The following CAMK1 variants were observed in gnomAD, a reference collection of about 807,000 sequenced individuals.
CAMK1 encodes the protein calcium/calmodulin-dependent protein kinase type 1.
In CAMK1, 39 loss-of-function variants were observed where a neutral mutation model predicts 49.1. The observed-to-expected ratio is 0.79, with a 90% CI of 0.62 to 1.04. The LOEUF is 1.04. Among genes scored for constraint, CAMK1 ranks in the 50% least tolerant of loss-of-function variants. The pLI, the probability that CAMK1 is intolerant of heterozygous loss-of-function variation, is 0.00. For missense variants in CAMK1, 457 were observed against 472.2 expected, an observed-to-expected ratio of 0.97 and a Z score of 0.30; for synonymous variants, 192 against 185.2, an observed-to-expected ratio of 1.04 and a Z score of -0.30.
rs2078130644 is a variant in CAMK1 at position 9,765,891 on chromosome 3, CT to C, written c.84-2del. 8 of 1,614,162 alleles carry C rather than the reference CT, an allele frequency of 5.0e-6. No homozygotes were observed. Among genetic ancestry groups the C allele is most frequent in the Non-Finnish European group, 5.9e-6 (7 of 1,180,012 alleles). On this transcript the variant is annotated splice_acceptor_variant, in intron 2 of 11. Transcript: ENST00000256460. LOFTEE classifies it high-confidence loss of function. ...CAGGATCACCTCCGAGAAGGCCCCC[CT>C]ATCGGGAGAGGGGATTCACAAGGTG...
rs758189766 is a variant in CAMK1, at chr3:9,757,779, C to T, written c.980G>A (p.Gly327Glu). The T allele has an allele frequency of 6.2e-7, 1 of 1,614,104 alleles. No individual in the cohort carries two copies. Among genetic ancestry groups the T allele is most frequent in the Non-Finnish European group, 8.5e-7 (1 of 1,179,984 alleles). The change falls in exon 11 of 12, where the codon GGG (glycine) becomes GAG (glutamate). Residue 327 changes from glycine to glutamate, a missense_variant. Gly to Glu is a moderately conservative substitution (Grantham distance 98, BLOSUM62 -2). Coordinates refer to ENST00000256460, the MANE Select transcript of CAMK1 (RefSeq NM_003656.5). The surrounding 1 kb of genome is among the most constrained non-coding windows in gnomAD (Gnocchi z 4.5). ...CCCATGGCTCGCCGTCTGCCCCTGC[C>T]CCTCCTGGCTGGTGCCCAGCTGCAG... ...RKLQLGTSQE[G>E]QGQTASHGEL...
chr3:9,759,832 G>A (rs1238282762), intron 8 of CAMK1, 82 bp from the exon 9 acceptor site: 6 of 1,610,498 alleles, frequency 3.7e-6, no homozygotes, highest in Non-Finnish European at 5.1e-6. Context: ...ACTCCCTCAG[G>A]TCTGGCCTGG....
In CAMK1 at chr3:9,763,210, G is replaced by T. The variant is rs751099623; in HGVS notation, c.219C>A (p.Ile73=). The T allele has an allele frequency of 1.2e-6, 2 of 1,613,810 alleles. No homozygotes were observed. The highest frequency in any genetic ancestry group is 2.2e-5 in the South Asian group (2 of 91,064). ...MENEIAVLHK[I]KHPNIVALDD... The stretch of plus-strand genomic sequence containing the variant: ...CCAGGGCTACAATGTTGGGGTGCTT[G>T]ATCCTGAAAGGAGAAATGAGGTGGT... The change falls in exon 4 of 12, where the codon ATC becomes ATA. Residue 73 remains isoleucine, a synonymous_variant. Coordinates refer to ENST00000256460, the MANE Select transcript of CAMK1 (RefSeq NM_003656.5).
intron 8 of CAMK1, chr3:9,760,114 G>C: frequency 4.6e-6 from 1 of 219,178 alleles, no homozygotes; most frequent in Non-Finnish European, 9.3e-6. Flanking sequence ...CATGGTGGTG[G>C]GCGCCTGTAA....
chr3:9,758,029 CA>C, intron 10 of CAMK1, 183 bp from the exon 11 acceptor site: 1 of 852,552 alleles, frequency 1.2e-6, no homozygotes, highest in South Asian at 1.9e-5. Flanking sequence ...TACACACACA[CA>C]CGCACATATG....
At position 9,762,935 on chromosome 3, in the gene CAMK1, G is replaced by A; in HGVS notation, c.408C>T (p.Gly136=). The change falls in exon 5 of 12, where the codon GGC becomes GGT. Residue 136 remains glycine (G), a synonymous_variant. Coordinates refer to ENST00000256460, the MANE Select transcript of CAMK1 (RefSeq NM_003656.5). ...LDAVKYLHDL[G]IVHRDLKPEN... The stretch of plus-strand genomic sequence containing the variant: ...CCACCTTGAGATCCCGGTGTACAAT[G>A]CCCAGGTCATGCAGGTATTTCACAG... The A allele has an allele frequency of 6.2e-7, 1 of 1,614,118 alleles. No homozygotes were observed. Among genetic ancestry groups the A allele is most frequent in the Non-Finnish European group, 8.5e-7 (1 of 1,180,018 alleles).
At chr3:9,759,024 T>C in intron 10 of CAMK1, 2 of 691,794 alleles carry the variant, frequency 2.9e-6, no homozygotes, top group Non-Finnish European at 5.3e-6. Flanking sequence ...CTGTGGCATA[T>C]GAGGCCCTAA....
chr3:9,768,961 TCACAGATCCA>T (rs1197564032), intron 1 of CAMK1, among the ~76,000 whole-genome samples: 1 of 149,300 alleles, frequency 6.7e-6, no homozygotes, highest in Non-Finnish European at 1.5e-5. Context: ...AATACAACCC[TCACAGATCCA>T]CACACATCCC....
intron 10 of CAMK1, chr3:9,759,125 C>G (rs2077725160): frequency 7.3e-7 from 1 of 1,373,464 alleles, no homozygotes; most frequent in Non-Finnish European, 1.0e-6. Context: ...AGCACTTGCA[C>G]TTCCCGGAAT....
intron 9 of CAMK1, 35 bp from the exon 10 acceptor site, chr3:9,759,610 G>A (rs938290261): frequency 6.2e-7 from 1 of 1,614,132 alleles, no homozygotes; most frequent in South Asian, 1.1e-5. Flanking sequence ...TGCCTATGAG[G>A]GCAGAAGCAG....
chr3:9,760,881 T>G, intron 7 of CAMK1, 113 bp from the exon 8 acceptor site: 1 of 1,474,420 alleles, frequency 6.8e-7, no homozygotes, highest in Non-Finnish European at 9.2e-7. Flanking sequence ...AGTTCCCCCT[T>G]TATAAACTCT....
At position 9,757,720 on chromosome 3, in the gene CAMK1, G is replaced by A. The variant is rs372282347; in HGVS notation, c.1030+9C>T. On this transcript the variant is annotated intron_variant, in intron 11 of 11. Coordinates refer to ENST00000256460, the MANE Select transcript of CAMK1 (RefSeq NM_003656.5). This position sits in a 1 kb window ranked among gnomAD's most constrained non-coding sequence, Gnocchi z 4.5. ...CCACCCATGCCCTTCTGCAGAGCCC[G>A]CTCCTCACCCCCAGCCACTGGTGTC... 451 of 1,614,030 alleles carry A rather than the reference G, an allele frequency of 2.8e-4. No homozygotes were observed. The highest frequency in any genetic ancestry group is 4.5e-4 in the African/African-American group (34 of 75,052).
At chr3:9,764,611 G>A (rs1007698914) in intron 3 of CAMK1, among the ~76,000 whole-genome samples, 1 of 125,076 alleles carries the variant, frequency 8.0e-6, no homozygotes, top group Non-Finnish European at 1.6e-5. Flanking sequence ...TGCGCCTGGC[G>A]TTTTTGTTTT....
At chr3:9,761,310 A>T in intron 7 of CAMK1, 151 bp downstream of exon 7, 1 of 758,916 alleles carries the variant, frequency 1.3e-6, no homozygotes, top group Non-Finnish European at 2.1e-6. Flanking sequence ...CATAGTATCT[A>T]TTGAATGAAG....
intron 2 of CAMK1, 89 bp from the exon 3 acceptor site, chr3:9,765,979 C>G: frequency 1.2e-5 from 19 of 1,614,240 alleles, no homozygotes; most frequent in Non-Finnish European, 1.6e-5. Context: ...TCTGTGACCA[C>G]TGCTGGACCA....
intron 1 of CAMK1, among the ~76,000 whole-genome samples, chr3:9,768,512 A>G (rs1448486001): frequency 6.6e-6 from 1 of 152,180 alleles, no homozygotes; most frequent in Non-Finnish European, 1.5e-5. Context: ...CCCATTTATC[A>G]GATGAAGAAT....
In CAMK1 at chr3:9,757,542, G is replaced by A. The variant is rs2077638631; in HGVS notation, c.1110C>T (p.Leu370=). 6.2e-7 allele frequency: 1 copy of A among 1,613,214 alleles called. No homozygotes were observed. Among genetic ancestry groups the A allele is most frequent in the East Asian group, 2.2e-5 (1 of 44,864 alleles). The change falls in exon 12 of 12, where the codon CTC becomes CTT. Residue 370 remains leucine (L), a synonymous_variant. Coordinates refer to ENST00000256460, the MANE Select transcript of CAMK1 (RefSeq NM_003656.5). This position sits in a 1 kb window ranked among gnomAD's most constrained non-coding sequence, Gnocchi z 4.5. ...TCATGACCCGAGGTCCAGGGCCCTA[G>A]AGCTGGTGGGGCAGTGTGGGGGACA... ...TELSPTLPHQ[L]
chr3:9,761,956 G>A (rs2077899246), intron 5 of CAMK1, 199 bp from the exon 6 acceptor site: 1 of 679,498 alleles, frequency 1.5e-6, no homozygotes, highest in South Asian at 2.0e-5. Context: ...GGGTGTGGGG[G>A]GGAACTGTCT....
intron 1 of CAMK1, 82 bp from the exon 2 acceptor site, chr3:9,767,863 C>G (rs2078198248): frequency 2.7e-6 from 4 of 1,488,176 alleles, no homozygotes; most frequent in Non-Finnish European, 3.6e-6. Context: ...TTCAGTCATT[C>G]AACCTGCATT....
Sources: allele counts gnomAD v4.1 joint callset (sites outside exome capture counted in the v4.1 genomes callset), GRCh38; gene constraint gnomAD v4.1.1; non-coding constraint Gnocchi (gnomAD v3.1); transcripts MANE v1.5; gene names NCBI Gene and HGNC (gene_info 2026-07-23, HGNC 2026-07-21).